NDST4: variants seen among roughly 807,000 people sequenced by gnomAD.
NDST4 encodes the protein N-heparan sulfate sulfotransferase 4.
Under a neutral mutation model 100.8 loss-of-function variants are expected in NDST4, and 63 were observed. That is an observed-to-expected ratio of 0.62 (90% CI 0.51 to 0.77). The LOEUF is 0.77. NDST4 is among the 30% of genes least tolerant of loss of function. The pLI, the probability that NDST4 is intolerant of heterozygous loss-of-function variation, is 0.00. For synonymous variants in NDST4, 377 were observed against 361.8 expected (o/e 1.04, Z -0.48); for missense variants, 943 against 1,018.4 (o/e 0.93, Z 1.01).
intron 2 of NDST4, among the ~76,000 whole-genome samples, chr4:114,996,300 G>A (rs1727160920): frequency 6.6e-6 from 1 of 152,038 alleles, no homozygotes; most frequent in Non-Finnish European, 1.5e-5. Context: ...CTGCCCCTGT[G>A]AAGAGGTGCC....
At chr4:114,883,403 T>A (rs1286140638) in intron 6 of NDST4, among the ~76,000 whole-genome samples, 1 of 152,000 alleles carries the variant, frequency 6.6e-6, no homozygotes, top group Non-Finnish European at 1.5e-5. Flanking sequence ...CTATGTTAGT[T>A]TAAAATGTAT....
intron 7 of NDST4, among the ~76,000 whole-genome samples, chr4:114,865,887 G>C (rs970829683): frequency 6.6e-6 from 1 of 152,100 alleles, no homozygotes; most frequent in Non-Finnish European, 1.5e-5. Context: ...AAAATCATGA[G>C]AAATTATTGC....
intron 2 of NDST4, among the ~76,000 whole-genome samples, chr4:114,982,757 A>G (rs1008594825): frequency 2.6e-5 from 4 of 152,200 alleles, no homozygotes; most frequent in African/African-American, 9.6e-5. Flanking sequence ...CAATGGGGAA[A>G]GTGTCTCCAG....
chr4:114,922,343 A>G (rs770828727), intron 6 of NDST4, among the ~76,000 whole-genome samples: 14 of 152,150 alleles, frequency 9.2e-5, no homozygotes, highest in Non-Finnish European at 1.5e-4. Flanking sequence ...GCATGCATAT[A>G]GCTTCAGTAA....
chr4:114,833,573 T>A, intron 12 of NDST4, 33 bp downstream of exon 12: 1 of 1,369,506 alleles, frequency 7.3e-7, no homozygotes, highest in Non-Finnish European at 1.0e-6. Flanking sequence ...TGGCAAATAA[T>A]GGAAATGAAA....
At chr4:115,090,745 A>G (rs911317428) in intron 1 of NDST4, among the ~76,000 whole-genome samples, 6 of 152,102 alleles carry the variant, frequency 3.9e-5, no homozygotes. Flanking sequence ...CTCCATTGAC[A>G]GGTTACTAAA....
chr4:114,969,841 G>T (rs1308876266), intron 4 of NDST4, among the ~76,000 whole-genome samples: 4 of 152,166 alleles, frequency 2.6e-5, no homozygotes, highest in African/African-American at 9.7e-5. Flanking sequence ...TAATAGGATT[G>T]CTCAATCAAA....
At chr4:114,987,379 C>T (rs1726937098) in intron 2 of NDST4, among the ~76,000 whole-genome samples, 1 of 152,032 alleles carries the variant, frequency 6.6e-6, no homozygotes, top group African/African-American at 2.4e-5. Context: ...TGTTGGAAGG[C>T]CAGCTTGATG....
intron 2 of NDST4, among the ~76,000 whole-genome samples, chr4:115,055,589 A>T (rs1056671055): frequency 6.6e-6 from 1 of 152,188 alleles, no homozygotes; most frequent in East Asian, 1.9e-4. Context: ...GTCATTGATC[A>T]TATCGGTTAT....
At chr4:115,080,278 A>G (rs1273873561) in intron 1 of NDST4, among the ~76,000 whole-genome samples, 1 of 152,138 alleles carries the variant, frequency 6.6e-6, no homozygotes, top group Non-Finnish European at 1.5e-5. Flanking sequence ...CTGGGATTAC[A>G]GGCACACACC....
chr4:115,109,486 A>C (rs533033005), intron 1 of NDST4, among the ~76,000 whole-genome samples: 17 of 152,104 alleles, frequency 1.1e-4, no homozygotes, highest in African/African-American at 3.9e-4. Flanking sequence ...CTCTTCAAAT[A>C]CTTAAAGTAA....
intron 6 of NDST4, among the ~76,000 whole-genome samples, chr4:114,873,053 A>G (rs1408299375): frequency 1.4e-5 from 2 of 147,944 alleles, no homozygotes; most frequent in East Asian, 3.9e-4. Context: ...TGGAATGAAA[A>G]AAGAAAAAAA....
chr4:114,868,900 C>A (rs1724088159), intron 7 of NDST4, among the ~76,000 whole-genome samples: 1 of 149,804 alleles, frequency 6.7e-6, no homozygotes. Context: ...TAGGAACTTA[C>A]CCCTATGATA....
At chr4:115,056,992 T>A (rs949880094) in intron 2 of NDST4, among the ~76,000 whole-genome samples, 3 of 152,130 alleles carry the variant, frequency 2.0e-5, no homozygotes, top group Non-Finnish European at 4.4e-5. Context: ...TTTGTTGGAT[T>A]TTTTCTTTCT....
chr4:114,937,546 T>A (rs778332756), intron 4 of NDST4, 43 bp from the exon 5 acceptor site: 1 of 1,445,786 alleles, frequency 6.9e-7, no homozygotes, highest in African/African-American at 1.4e-5. Flanking sequence ...ACAAGGCCAA[T>A]TAATTCAGTG....
At chr4:114,890,529 C>G (rs576710698) in intron 6 of NDST4, among the ~76,000 whole-genome samples, 4 of 152,094 alleles carry the variant, frequency 2.6e-5, no homozygotes, top group African/African-American at 9.6e-5. Flanking sequence ...TGGAGATTGA[C>G]TATACTGCAT....
At chr4:114,899,227 G>A (rs1391904928) in intron 6 of NDST4, among the ~76,000 whole-genome samples, 1 of 152,122 alleles carries the variant, frequency 6.6e-6, no homozygotes, top group East Asian at 1.9e-4. Flanking sequence ...ACCCAGGCTG[G>A]AGTGCAGTGG....
chr4:115,069,973 G>T (rs1328580031), intron 2 of NDST4, among the ~76,000 whole-genome samples: 1 of 152,082 alleles, frequency 6.6e-6, no homozygotes, highest in African/African-American at 2.4e-5. Flanking sequence ...ACTATTGGTT[G>T]GAATGTAAAT....
At chr4:115,106,564 C>T (rs1245808567) in intron 1 of NDST4, among the ~76,000 whole-genome samples, 5 of 151,896 alleles carry the variant, frequency 3.3e-5, no homozygotes, top group Admixed American at 6.6e-5. Flanking sequence ...ATACCTAATA[C>T]GATGTGAATG....
Sources: gnomAD v4.1 joint callset for allele counts (sites outside exome capture counted in the v4.1 genomes callset) on GRCh38, gnomAD v4.1.1 for gene constraint, MANE v1.5 for transcripts, NCBI Gene and HGNC (gene_info 2026-07-23, HGNC 2026-07-21) for gene names.